IL17RD: variants seen among roughly 807,000 people sequenced by gnomAD.
IL17RD encodes interleukin-17 receptor D.
IL17RD carries 52 observed loss-of-function variants against 80.5 expected under a neutral mutation model. The ratio of observed to expected loss-of-function variants is 0.65; its 90% CI spans 0.52 to 0.81. IL17RD has a LOEUF of 0.81. IL17RD is among the 40% of genes least tolerant of loss of function. The pLI, the probability that IL17RD is intolerant of heterozygous loss-of-function variation, is 0.00. For missense variants in IL17RD, 1,024 were observed against 955.1 expected, an observed-to-expected ratio of 1.07 and a Z score of -0.95; for synonymous variants, 416 against 391.8, an observed-to-expected ratio of 1.06 and a Z score of -0.73.
rs1491387894 is a variant in IL17RD at position 57,148,104 on chromosome 3, G to GGC, written c.126+17056_126+17057insGC. On this transcript the variant is annotated intron_variant, in intron 1 of 12. Coordinates refer to ENST00000296318, the MANE Select transcript of IL17RD (RefSeq NM_017563.5). ...GGCCAAGGTTGGGGGGGGGGGGGGG[G>GGC]CGATCGCTAGGTCAAGAGTTCAAGA... 6.8e-4 allele frequency among the ~76,000 whole-genome samples: 30 copies of GGC among 44,300 alleles called. 2 individuals are homozygous for GGC. The highest frequency in any genetic ancestry group is 1.2e-3 in the Admixed American group (4 of 3,252). 29.1% of individuals were successfully genotyped at this position (44,300 alleles called of 152,430 possible).
intron 2 of IL17RD, among the ~76,000 whole-genome samples, chr3:57,118,336 G>A (rs888599271): frequency 6.6e-6 from 1 of 152,132 alleles, no homozygotes; most frequent in Non-Finnish European, 1.5e-5. Flanking sequence ...AGCAACTGTG[G>A]GTGTGAATCT....
At chr3:57,115,036 C>G (rs1188623571) in intron 2 of IL17RD, among the ~76,000 whole-genome samples, 1 of 152,098 alleles carries the variant, frequency 6.6e-6, no homozygotes, top group Non-Finnish European at 1.5e-5. Context: ...CCACCACCAC[C>G]CACTCATCCC....
intron 1 of IL17RD, among the ~76,000 whole-genome samples, chr3:57,154,581 G>A (rs192556195): frequency 7.2e-5 from 11 of 152,122 alleles, no homozygotes; most frequent in Non-Finnish European, 1.2e-4. Context: ...AAAAGATGTG[G>A]GAGGTAGAAT....
At chr3:57,114,884 T>C in intron 2 of IL17RD, 67 bp from the exon 3 acceptor site, 1 of 1,365,408 alleles carries the variant, frequency 7.3e-7, no homozygotes, top group East Asian at 2.5e-5. Context: ...GTTCATCTTA[T>C]CAAAATAAAC....
chr3:57,131,063 G>C (rs993630884), intron 1 of IL17RD, among the ~76,000 whole-genome samples: 9 of 152,306 alleles, frequency 5.9e-5, no homozygotes, highest in East Asian at 1.9e-4. Flanking sequence ...CCGGCTGACC[G>C]GGGCAAGGCA....
chr3:57,127,125 G>A (rs893283784), intron 1 of IL17RD, among the ~76,000 whole-genome samples: 9 of 144,052 alleles, frequency 6.2e-5, no homozygotes, highest in Admixed American at 2.2e-4. Flanking sequence ...GCACCCGGCC[G>A]GAAGATGGGT....
At chr3:57,155,901 T>G (rs947331519) in intron 1 of IL17RD, among the ~76,000 whole-genome samples, 3 of 152,148 alleles carry the variant, frequency 2.0e-5, no homozygotes, top group Non-Finnish European at 4.4e-5. Context: ...CAGAGGAACT[T>G]TTTATTACAG....
At chr3:57,162,050 A>G (rs1002173344) in intron 1 of IL17RD, among the ~76,000 whole-genome samples, 5 of 152,214 alleles carry the variant, frequency 3.3e-5, no homozygotes, top group African/African-American at 1.2e-4. Flanking sequence ...GGAGGTTGTG[A>G]AACCTGACCA....
chr3:57,096,161 G>C lies in IL17RD; in HGVS notation c.*232C>G, dbSNP rs1281449970. 1.9e-6 allele frequency: 1 copy of C among 515,788 alleles called. No individual in the cohort carries two copies. The highest frequency in any genetic ancestry group is 2.4e-5 in the South Asian group (1 of 42,094). 32.0% of individuals were successfully genotyped at this position (515,788 alleles called of 1,614,324 possible). A position where few individuals can be genotyped will look rare whatever the true frequency, so the allele number is the denominator to read the frequency against. On this transcript the variant is annotated 3_prime_UTR_variant, in exon 13 of 13. Transcript: ENST00000296318. The stretch of plus-strand genomic sequence containing the variant: ...AACCAAATTTGGCAAGCTGTTGTCA[G>C]ACCTTATGGACATGCCTTTCAGAGC...
chr3:57,150,126 G>A (rs1447941712), intron 1 of IL17RD, among the ~76,000 whole-genome samples: 1 of 152,036 alleles, frequency 6.6e-6, no homozygotes, highest in Non-Finnish European at 1.5e-5. Context: ...GCCTTCCCCT[G>A]GAAATCCCAC....
chr3:57,109,713 T>C, intron 4 of IL17RD, 56 bp from the exon 5 acceptor site: 2 of 1,565,220 alleles, frequency 1.3e-6, no homozygotes, highest in Non-Finnish European at 1.7e-6. Flanking sequence ...CCCCTCCACC[T>C]TCATAAGGTC....
chr3:57,152,498 A>G (rs955082063), intron 1 of IL17RD, among the ~76,000 whole-genome samples: 35 of 152,362 alleles, frequency 2.3e-4, no homozygotes, highest in African/African-American at 7.9e-4. Context: ...AACGCCCGGC[A>G]CACAGGCCTG....
intron 8 of IL17RD, among the ~76,000 whole-genome samples, chr3:57,103,708 A>T: frequency 6.6e-6 from 1 of 152,106 alleles, no homozygotes; most frequent in East Asian, 1.9e-4. Context: ...GAAATGAAAC[A>T]TTACTTTTTT....
At chr3:57,124,216 G>C (rs1340281549) in intron 1 of IL17RD, among the ~76,000 whole-genome samples, 1 of 152,170 alleles carries the variant, frequency 6.6e-6, no homozygotes, top group Non-Finnish European at 1.5e-5. Flanking sequence ...TCCCAGGCTA[G>C]CCCATGGTGC....
chr3:57,103,123 G>T lies in IL17RD; in HGVS notation c.836C>A (p.Thr279Lys), dbSNP rs1304192154. Reference sequence around the variant, plus strand: ...TAAGGCATAATGCATCACTTTTCTTGTTGTGTTAGTGTCATCCACCAGCTG... The same window carrying T: ...TAAGGCATAATGCATCACTTTTCTTTTTGTGTTAGTGTCATCCACCAGCTG... The part of the protein sequence containing the change: ...IIELVDDTNT[T>K]RKVMHYALKP... The change falls in exon 9 of 13, where the codon ACA becomes AAA. Residue 279 changes from threonine (T) to lysine (K), a missense_variant. Thr to Lys is a moderately conservative substitution (Grantham distance 78). Coordinates refer to ENST00000296318, the MANE Select transcript of IL17RD (RefSeq NM_017563.5). 1.9e-6 allele frequency: 3 copies of T among 1,603,054 alleles called. No homozygotes were observed. The highest frequency in any genetic ancestry group is 1.1e-5 in the South Asian group (1 of 88,780).
intron 1 of IL17RD, 36 bp downstream of exon 1, chr3:57,165,125 T>G (rs1363113296): frequency 4.7e-6 from 7 of 1,495,124 alleles, no homozygotes; most frequent in Non-Finnish European, 6.2e-6. Flanking sequence ...CCCCCGCGAG[T>G]TGGCGACGGC....
chr3:57,148,545 G>A (rs1707984818), intron 1 of IL17RD, among the ~76,000 whole-genome samples: 1 of 152,046 alleles, frequency 6.6e-6, no homozygotes, highest in African/African-American at 2.4e-5. Flanking sequence ...CCACCATTTG[G>A]TTTGTACTAA....
intron 3 of IL17RD, among the ~76,000 whole-genome samples, chr3:57,111,741 C>T (rs945688349): frequency 2.6e-5 from 4 of 151,670 alleles, no homozygotes; most frequent in African/African-American, 9.7e-5. Flanking sequence ...AAGGCCGAGG[C>T]GGGCGAATCA....
In IL17RD at chr3:57,105,876, T is replaced by A. The variant is rs1310127861; in HGVS notation, c.728A>T (p.Lys243Met). The change falls in exon 7 of 13, where the codon AAG (lysine) becomes ATG (methionine). Residue 243 changes from lysine (K) to methionine (M), a missense_variant. Transcript: ENST00000296318. The stretch of plus-strand genomic sequence containing the variant: ...GCTCACCTGCTTACAGGTCTTTCGC[T>A]TGAAAGGTCCTTCGTGCTTGAGCTT... ...HYKLKHEGPF[K>M]RKTCKQEQTT... 1 of 1,613,872 alleles carries A rather than the reference T, an allele frequency of 6.2e-7. No individual in the cohort carries two copies.
Sources: gnomAD v4.1 joint callset for allele counts (sites outside exome capture counted in the v4.1 genomes callset) on GRCh38, gnomAD v4.1.1 for gene constraint, MANE v1.5 for transcripts, NCBI Gene and HGNC (gene_info 2026-07-23, HGNC 2026-07-21) for gene names.